The following FAM13A variants were observed in gnomAD, a reference collection of about 807,000 sequenced individuals.
FAM13A encodes the protein protein FAM13A.
In FAM13A, 76 loss-of-function variants were observed where a neutral mutation model predicts 129.6. The observed-to-expected ratio is 0.59, with a 90% CI of 0.49 to 0.71. The LOEUF is 0.71. FAM13A is among the 30% of genes least tolerant of loss of function. FAM13A has a pLI of 0.00. For missense variants in FAM13A, 1,108 were observed against 1,249.3 expected, an observed-to-expected ratio of 0.89 and a Z score of 1.70; for synonymous variants, 443 against 449.9, an observed-to-expected ratio of 0.98 and a Z score of 0.20.
At chr4:88,763,285 A>G (rs1176879119) in intron 13 of FAM13A, among the ~76,000 whole-genome samples, 1 of 151,860 alleles carries the variant, frequency 6.6e-6, no homozygotes, top group Non-Finnish European at 1.5e-5. Flanking sequence ...TCGTTCATTC[A>G]TTCATTCATT....
intron 19 of FAM13A, among the ~76,000 whole-genome samples, chr4:88,743,704 C>T (rs574859556): frequency 9.2e-5 from 14 of 152,136 alleles, no homozygotes; most frequent in Non-Finnish European, 4.4e-5. Flanking sequence ...TAGCATTATT[C>T]TCTAATAGGG....
intron 4 of FAM13A, among the ~76,000 whole-genome samples, chr4:88,955,197 TATTA>T (rs1212348003): frequency 1.3e-5 from 2 of 152,178 alleles, no homozygotes; most frequent in Non-Finnish European, 2.9e-5. Flanking sequence ...TAGAATTACG[TATTA>T]ATTAGAATTA....
In FAM13A at chr4:88,837,544, C is replaced by T. The variant is rs201286479; in HGVS notation, c.1007+13476G>A. Among the ~76,000 whole-genome samples, 60 of 150,614 alleles carry T rather than the reference C, an allele frequency of 4.0e-4. No individual in the cohort carries two copies. In the East Asian group the frequency reaches 0.012, roughly 30 times the overall value. On this transcript the variant is annotated intron_variant, in intron 7 of 23. Coordinates refer to ENST00000264344, the MANE Select transcript of FAM13A (RefSeq NM_014883.4). ...CAGCCTGACTAACATGGAGAAAGCC[C>T]GTCTGTACTAAAAATACAAAAAAAT...
At chr4:88,929,202 T>A (rs966857864) in intron 5 of FAM13A, among the ~76,000 whole-genome samples, 1 of 152,082 alleles carries the variant, frequency 6.6e-6, no homozygotes, top group African/African-American at 2.4e-5. Context: ...TTTCAGCACT[T>A]TGAAAGTGCC....
chr4:88,923,861 G>T (rs533720981), intron 5 of FAM13A, among the ~76,000 whole-genome samples: 6 of 152,190 alleles, frequency 3.9e-5, no homozygotes, highest in African/African-American at 1.4e-4. Context: ...AAAGTCTCAG[G>T]ATACAAAATC....
chr4:88,875,430 T>C (rs1217804895), intron 6 of FAM13A, among the ~76,000 whole-genome samples: 1 of 151,960 alleles, frequency 6.6e-6, no homozygotes, highest in East Asian at 1.9e-4. Context: ...ACAAAGAACT[T>C]AAACAAATTT....
At chr4:88,981,793 C>G (rs1761690723) in intron 4 of FAM13A, among the ~76,000 whole-genome samples, 1 of 152,186 alleles carries the variant, frequency 6.6e-6, no homozygotes, top group Non-Finnish European at 1.5e-5. Context: ...CCCAGATAAG[C>G]TGCAAGGAGA....
At position 88,738,713 on chromosome 4, in the gene FAM13A, C is replaced by T. The variant is rs910008187; in HGVS notation, c.2562+317G>A. 2.0e-5 allele frequency among the ~76,000 whole-genome samples: 3 copies of T among 152,228 alleles called. No homozygotes were observed. The East Asian group carries it at 5.8e-4, about 29-fold the overall frequency. On this transcript the variant is annotated intron_variant, in intron 20 of 23. Coordinates refer to ENST00000264344, the MANE Select transcript of FAM13A (RefSeq NM_014883.4). ...GGAGTGAAGAGGCCTGGAGAAAGTG[C>T]AGCCCTACCCACGTGGTGCTCCATC...
chr4:88,780,771 CTG>C (rs1170158440), intron 11 of FAM13A, among the ~76,000 whole-genome samples: 2 of 151,866 alleles, frequency 1.3e-5, no homozygotes, highest in African/African-American at 4.8e-5. Context: ...TCCTCTTTCA[CTG>C]TGTATTTCAC....
chr4:89,032,376 T>G (rs933528782), intron 1 of FAM13A, among the ~76,000 whole-genome samples: 6 of 152,040 alleles, frequency 3.9e-5, no homozygotes, highest in Admixed American at 2.6e-4. Context: ...TTCATGGGGG[T>G]GTGTGTGTGT....
In FAM13A at chr4:89,012,232, T is replaced by C. The variant is rs74707008; in HGVS notation, c.427+8228A>G. On this transcript the variant is annotated intron_variant, in intron 3 of 23. Transcript: ENST00000264344. ...TGAGATTACAAAAATAAAAAGTACA[T>C]ATACTACTGCCCTACCAACATAAGG... Among the ~76,000 whole-genome samples the C allele has an allele frequency of 8.6e-3, 1,302 of 152,278 alleles. 12 individuals carry two copies. Among genetic ancestry groups the C allele is most frequent in the African/African-American group, 0.03 (1,256 of 41,548 alleles).
chr4:88,998,205 A>G (rs1030588086), intron 3 of FAM13A, among the ~76,000 whole-genome samples: 1 of 152,218 alleles, frequency 6.6e-6, no homozygotes, highest in Admixed American at 6.5e-5. Context: ...CCCACAGTAC[A>G]GTGAGATAAT....
At chr4:88,798,092 T>C (rs1726605961) in intron 8 of FAM13A, among the ~76,000 whole-genome samples, 1 of 152,226 alleles carries the variant, frequency 6.6e-6, no homozygotes. Context: ...CACTTGGCTG[T>C]GAGCAGATGC....
Position 88,940,608 on chromosome 4 carries a change from C to T in FAM13A, c.606-2367G>A, listed in dbSNP as rs542758859. Reference sequence around the variant, plus strand: ...ATTAAGAAATTCACTGTCAAGAAAGCAAGCTCTATAGAAAAAGTTGAGGGT... The same window carrying T: ...ATTAAGAAATTCACTGTCAAGAAAGTAAGCTCTATAGAAAAAGTTGAGGGT... On this transcript the variant is annotated intron_variant, in intron 4 of 23. Coordinates refer to ENST00000264344, the MANE Select transcript of FAM13A (RefSeq NM_014883.4). Among the ~76,000 whole-genome samples, 30 of 152,274 alleles carry T rather than the reference C, an allele frequency of 2.0e-4. No individual in the cohort carries two copies. In the South Asian group the frequency reaches 5.6e-3, roughly 28 times the overall value.
chr4:88,890,779 GAGA>G (rs1311292680), intron 6 of FAM13A, among the ~76,000 whole-genome samples: 1 of 152,118 alleles, frequency 6.6e-6, no homozygotes, highest in African/African-American at 2.4e-5. Context: ...GAGCAAAAAA[GAGA>G]AGGTCTCAAA....
At chr4:88,945,262 C>G (rs1354070269) in intron 4 of FAM13A, among the ~76,000 whole-genome samples, 1 of 152,168 alleles carries the variant, frequency 6.6e-6, no homozygotes, top group African/African-American at 2.4e-5. Flanking sequence ...AACTGCTAAA[C>G]TGGACAACTC....
chr4:88,921,283 G>C (rs1751037738), intron 5 of FAM13A, among the ~76,000 whole-genome samples: 2 of 152,074 alleles, frequency 1.3e-5, no homozygotes, highest in African/African-American at 4.8e-5. Flanking sequence ...AGGAAAAAAT[G>C]TTAAGGGCAG....
chr4:88,781,216 C>T lies in FAM13A; in HGVS notation c.1407G>A (p.Gln469=), dbSNP rs1373352377. Residue 469 remains glutamine, a synonymous_variant, in exon 11 of 24, where the codon CAG becomes CAA. Coordinates refer to ENST00000264344, the MANE Select transcript of FAM13A (RefSeq NM_014883.4). Reference sequence around the variant, plus strand: ...GCTCAGAAAGTTTAGTACTGGATTTCTGACGTTTAGGCTTGCTCCTTTCTC... The same window carrying T: ...GCTCAGAAAGTTTAGTACTGGATTTTTGACGTTTAGGCTTGCTCCTTTCTC... The part of the protein sequence containing the change: ...CAGERSKPKR[Q]KSSTKLSELH... 2 of 1,611,738 alleles carry T rather than the reference C, an allele frequency of 1.2e-6. No homozygotes were observed. Among genetic ancestry groups the T allele is most frequent in the Non-Finnish European group, 1.7e-6 (2 of 1,178,952 alleles).
At chr4:89,009,791 A>C (rs1483698266) in intron 3 of FAM13A, among the ~76,000 whole-genome samples, 1 of 152,248 alleles carries the variant, frequency 6.6e-6, no homozygotes, top group Non-Finnish European at 1.5e-5. Flanking sequence ...AGGGAGAGTG[A>C]AGAAGACCAA....
Sources: allele counts gnomAD v4.1 joint callset (sites outside exome capture counted in the v4.1 genomes callset), GRCh38; gene constraint gnomAD v4.1.1; transcripts MANE v1.5; gene names NCBI Gene and HGNC (gene_info 2026-07-23, HGNC 2026-07-21).